The following TMCC1 variants were observed in gnomAD, a reference collection of about 807,000 sequenced individuals.
TMCC1 encodes the protein transmembrane and coiled-coil domains protein 1.
Under a neutral mutation model 52.4 loss-of-function variants are expected in TMCC1, and 15 were observed. That is an observed-to-expected ratio of 0.29 (90% confidence interval 0.19 to 0.44). The LOEUF (loss-of-function observed/expected upper bound fraction) is 0.44, where lower values mean the gene tolerates loss of function less well. TMCC1 is among the 20% of genes least tolerant of loss of function. TMCC1 has a pLI of 1.00. For synonymous variants in TMCC1, 279 were observed against 301.9 expected, an observed-to-expected ratio of 0.92 and a Z score of 0.79; for missense variants, 503 against 806.0, an observed-to-expected ratio of 0.62 and a Z score of 4.55.
chr3:129,884,590 A>G (rs1014251110), intron 1 of TMCC1, among the ~76,000 whole-genome samples: 8 of 152,230 alleles, frequency 5.3e-5, no homozygotes, highest in African/African-American at 1.9e-4. Flanking sequence ...ATCACAGTCA[A>G]TATTATTTCT....
At chr3:129,814,396 C>A (rs1157498493) in intron 4 of TMCC1, among the ~76,000 whole-genome samples, 2 of 149,898 alleles carry the variant, frequency 1.3e-5, no homozygotes, top group Non-Finnish European at 3.0e-5. Context: ...ATACAAAAAC[C>A]TATAACAGAT....
At chr3:129,759,710 C>CTTTTTTTTTTTTTT (rs61519484) in intron 4 of TMCC1, among the ~76,000 whole-genome samples, 1 of 37,222 alleles carries the variant, frequency 2.7e-5, no homozygotes, top group African/African-American at 1.1e-4. Flanking sequence ...GCCAGCCAAA[C>CTTTTTTTTTTTTTT]TTTTTTTTTT....
Position 129,655,048 on chromosome 3 carries a change from T to G in TMCC1, c.1567A>C (p.Ile523Leu). 6.2e-7 allele frequency: 1 copy of G among 1,614,150 alleles called. No homozygotes were observed. The highest frequency in any genetic ancestry group is 8.5e-7 in the Non-Finnish European group (1 of 1,180,014). ...GCCAGTTCCTGCTTCAAGTTCAAGA[T>G]TTCATTCTGGTGGAGCTCTGTTAGG... Reference protein sequence around the residue: ...NDLTELHQNEILNLKQELASM... With the variant: ...NDLTELHQNELLNLKQELASM... The change falls in exon 6 of 7, where the codon ATC becomes CTC. Residue 523 changes from isoleucine (I) to leucine (L), a missense_variant. Ile to Leu is a conservative substitution (Grantham distance 5, BLOSUM62 2). Around this residue, in one of 7 missense-constraint regions of TMCC1, gnomAD observed 121 missense variants for 193.6 expected, o/e 0.62. Coordinates refer to ENST00000393238, the MANE Select transcript of TMCC1 (RefSeq NM_001017395.5).
intron 5 of TMCC1, among the ~76,000 whole-genome samples, chr3:129,662,336 A>G (rs1382634717): frequency 6.6e-6 from 1 of 152,176 alleles, no homozygotes; most frequent in South Asian, 2.1e-4. Context: ...ACAGCCTATG[A>G]TACACTTAGG....
intron 2 of TMCC1, among the ~76,000 whole-genome samples, chr3:129,857,604 C>A (rs1259360104): frequency 6.6e-6 from 1 of 151,944 alleles, no homozygotes; most frequent in Non-Finnish European, 1.5e-5. Flanking sequence ...CTCTGTCACA[C>A]AGGCTGGAGT....
intron 4 of TMCC1, among the ~76,000 whole-genome samples, chr3:129,761,889 G>T (rs1340790516): frequency 1.3e-5 from 2 of 151,390 alleles, no homozygotes; most frequent in Admixed American, 6.6e-5. Context: ...TACTTGGGCG[G>T]CTGAGGCAGG....
chr3:129,698,375 C>T (rs2047565625), intron 4 of TMCC1, among the ~76,000 whole-genome samples: 1 of 152,184 alleles, frequency 6.6e-6, no homozygotes, highest in African/African-American at 2.4e-5. Context: ...GATTAAATTA[C>T]TTCCCACTGG....
intron 4 of TMCC1, among the ~76,000 whole-genome samples, chr3:129,758,994 C>T (rs1370899903): frequency 6.6e-6 from 1 of 152,166 alleles, no homozygotes; most frequent in Non-Finnish European, 1.5e-5. Flanking sequence ...GTCAAAACTT[C>T]CTTCCTTTTT....
At chr3:129,816,653 T>C (rs914792513) in intron 4 of TMCC1, among the ~76,000 whole-genome samples, 1 of 151,870 alleles carries the variant, frequency 6.6e-6, no homozygotes, top group Non-Finnish European at 1.5e-5. Flanking sequence ...ATAGAAGAAA[T>C]AGAAGAAATA....
chr3:129,808,890 A>G (rs2057628702), intron 4 of TMCC1, among the ~76,000 whole-genome samples: 1 of 149,688 alleles, frequency 6.7e-6, no homozygotes, highest in South Asian at 2.1e-4. Context: ...TCAAAAAGTT[A>G]AAATAAATTT....
chr3:129,788,169 A>G (rs1322890053), intron 4 of TMCC1, among the ~76,000 whole-genome samples: 1 of 152,150 alleles, frequency 6.6e-6, no homozygotes, highest in Non-Finnish European at 1.5e-5. Context: ...AATCAAACCA[A>G]CAGATAGCTG....
At chr3:129,654,067 A>T (rs1195984458) in intron 6 of TMCC1, among the ~76,000 whole-genome samples, 1 of 152,146 alleles carries the variant, frequency 6.6e-6, no homozygotes, top group Non-Finnish European at 1.5e-5. Context: ...CCTCAAGGTC[A>T]TAGCCTTCAC....
intron 5 of TMCC1, among the ~76,000 whole-genome samples, chr3:129,658,747 T>C (rs1480322508): frequency 6.6e-6 from 1 of 152,194 alleles, no homozygotes; most frequent in Non-Finnish European, 1.5e-5. Flanking sequence ...TCTATAGAAA[T>C]AGGGAACTAC....
At chr3:129,852,456 CAAAAAAAAAAAA>C (rs1015860543) in intron 2 of TMCC1, among the ~76,000 whole-genome samples, 24 of 39,840 alleles carry the variant, frequency 6.0e-4, no homozygotes, top group Admixed American at 2.8e-3. Flanking sequence ...GACACCGTCT[CAAAAAAAAAAAA>C]AAAAAAAAAA....
intron 2 of TMCC1, among the ~76,000 whole-genome samples, chr3:129,859,196 T>C (rs2060272862): frequency 6.6e-6 from 1 of 152,154 alleles, no homozygotes; most frequent in Non-Finnish European, 1.5e-5. Flanking sequence ...GAGAAAAAGG[T>C]GGTATCTCAA....
At chr3:129,864,271 C>T (rs1364095545) in intron 2 of TMCC1, among the ~76,000 whole-genome samples, 1 of 152,108 alleles carries the variant, frequency 6.6e-6, no homozygotes, top group Non-Finnish European at 1.5e-5. Flanking sequence ...GTCAATAATC[C>T]TAAGAGACTT....
chr3:129,865,707 G>A (rs2060592085), intron 2 of TMCC1, among the ~76,000 whole-genome samples: 1 of 152,108 alleles, frequency 6.6e-6, no homozygotes, highest in South Asian at 2.1e-4. Flanking sequence ...AGGTTCAACA[G>A]GGAAGACATG....
intron 4 of TMCC1, among the ~76,000 whole-genome samples, chr3:129,781,262 T>A (rs2055501347): frequency 6.6e-6 from 1 of 152,188 alleles, no homozygotes; most frequent in African/African-American, 2.4e-5. Context: ...TCAAGTTGTT[T>A]TCACTGATCA....
chr3:129,683,038 T>C (rs2089132673), intron 4 of TMCC1, among the ~76,000 whole-genome samples: 1 of 152,214 alleles, frequency 6.6e-6, no homozygotes, highest in African/African-American at 2.4e-5. Context: ...TTTCTCTACG[T>C]TGGTCAGGCT....
Sources: gnomAD v4.1 joint callset for allele counts (sites outside exome capture counted in the v4.1 genomes callset) on GRCh38, gnomAD v4.1.1 for gene constraint, gnomAD v4.1.1 regional missense constraint, MANE v1.5 for transcripts, NCBI Gene and HGNC (gene_info 2026-07-23, HGNC 2026-07-21) for gene names.